The following KCTD17 variants were observed in gnomAD, a reference collection of about 807,000 sequenced individuals.
KCTD17 encodes potassium channel tetramerization domain containing 17, also known as BTB/POZ domain-containing protein KCTD17.
Under a neutral mutation model 41.5 loss-of-function variants are expected in KCTD17, and 20 were observed. That is an observed-to-expected ratio of 0.48 (90% CI 0.34 to 0.70). The LOEUF is 0.70. Among genes scored for constraint, KCTD17 ranks in the 30% least tolerant of loss-of-function variants. The pLI, the probability that KCTD17 is intolerant of heterozygous loss-of-function variation, is 0.01. For synonymous variants in KCTD17, 156 were observed against 173.8 expected (o/e 0.90, Z 0.80); for missense variants, 317 against 427.2 (o/e 0.74, Z 2.27).
In KCTD17 at chr22:37,058,159, T is replaced by C. The variant is rs1925360470; in HGVS notation, c.486+666T>C. On this transcript the variant is annotated intron_variant, in intron 4 of 8. Transcript: ENST00000403888. ...AAGTGAGCCCAGGGTCAAAAGTGCC[T>C]TTAGAGAAGGAGAGGGGGTTGGCTA... 2.0e-5 allele frequency among the ~76,000 whole-genome samples: 3 copies of C among 152,284 alleles called. No individual in the cohort carries two copies. The South Asian group carries it at 6.2e-4, about 32-fold the overall frequency.
chr22:37,058,586 G>C (rs1318885622), intron 4 of KCTD17, among the ~76,000 whole-genome samples: 1 of 152,208 alleles, frequency 6.6e-6, no homozygotes, highest in East Asian at 1.9e-4. Context: ...CCCCTTCCTA[G>C]CTGTGAGGCC....
rs1281788351 is a variant in KCTD17, at chr22:37,061,807, C to G, written c.875+178C>G. The G allele has an allele frequency of 3.0e-6, 3 of 985,288 alleles. No homozygotes were observed. The African/African-American group carries it at 5.2e-5, about 17-fold the overall frequency. 61.0% of individuals were successfully genotyped at this position (985,288 alleles called of 1,614,324 possible). A position where few individuals can be genotyped will look rare whatever the true frequency, so the allele number is the denominator to read the frequency against. ...AAGAAAGTTAGGGAGTGGGAACTTT[C>G]CTACCAGCCCATCAGCACCAGAGCC... is the stretch of plus-strand genomic sequence containing the variant. On this transcript the variant is annotated intron_variant, in intron 8 of 8. Transcript: ENST00000403888. This position sits in a 1 kb window ranked among gnomAD's most constrained non-coding sequence, Gnocchi z 6.6.
At chr22:37,055,929 T>A (rs1340541784) in intron 2 of KCTD17, among the ~76,000 whole-genome samples, 1 of 152,230 alleles carries the variant, frequency 6.6e-6, no homozygotes, top group African/African-American at 2.4e-5. Context: ...GTAATGCACC[T>A]GGCACTTAGA....
rs1367061290 is a variant in KCTD17, at chr22:37,053,271, C to T, written c.298+63C>T. On this transcript the variant is annotated intron_variant, in intron 2 of 8. Coordinates refer to ENST00000403888, the MANE Select transcript of KCTD17 (RefSeq NM_001282684.2). This position sits in a 1 kb window ranked among gnomAD's most constrained non-coding sequence, Gnocchi z 4.1. ...GCCTGCCAGGGCCCTCTGTGGAGGCCCCAAGCCATTTGGACAACCAGGACG... is the reference window on the plus strand; with the variant it reads ...GCCTGCCAGGGCCCTCTGTGGAGGCTCCAAGCCATTTGGACAACCAGGACG... 2.3e-6 allele frequency: 3 copies of T among 1,295,068 alleles called. No individual in the cohort carries two copies. The East Asian group carries it at 7.6e-5, about 33-fold the overall frequency. The allele number at this position is 1,295,068 out of a possible 1,614,324, so 80.2% of individuals were successfully genotyped here. A position where few individuals can be genotyped will look rare whatever the true frequency, so the allele number is the denominator to read the frequency against.
chr22:37,055,582 C>T (rs188762850), intron 2 of KCTD17, among the ~76,000 whole-genome samples: 291 of 152,314 alleles, frequency 1.9e-3, no homozygotes, highest in African/African-American at 6.9e-3. Context: ...GCAAGCTCAT[C>T]GCTTCACTGG....
chr22:37,053,007 C>T lies in KCTD17; in HGVS notation c.190-93C>T. On this transcript the variant is annotated intron_variant, in intron 1 of 8. Transcript: ENST00000403888. The surrounding 1 kb of genome is among the most constrained non-coding windows in gnomAD (Gnocchi z 4.1). Reference sequence around the variant, plus strand: ...TGCCTGCTCCATCCAGGGAAGAGCTCTCCCTCCACTCTCCTTCCCTCCCTG... The same window carrying T: ...TGCCTGCTCCATCCAGGGAAGAGCTTTCCCTCCACTCTCCTTCCCTCCCTG... 1 of 1,033,700 alleles carries T rather than the reference C, an allele frequency of 9.7e-7. No individual in the cohort carries two copies. The highest frequency in any genetic ancestry group is 1.5e-6 in the Non-Finnish European group (1 of 685,886). 64.0% of individuals were successfully genotyped at this position (1,033,700 alleles called of 1,614,324 possible).
chr22:37,059,533 A>T, intron 5 of KCTD17, 95 bp downstream of exon 5: 2 of 1,386,900 alleles, frequency 1.4e-6, no homozygotes, highest in African/African-American at 1.5e-5. Context: ...CCATCCCTCC[A>T]CCTCTCTCCC....
In KCTD17 at chr22:37,063,345, G is replaced by T. The variant is rs1926002651; in HGVS notation, c.*751G>T. ...TCCCGGGATGGGTCCTTGCTTCTCAGCTGTGTCCGACCCCACCATGTAATA... is the reference window on the plus strand; with the variant it reads ...TCCCGGGATGGGTCCTTGCTTCTCATCTGTGTCCGACCCCACCATGTAATA... On this transcript the variant is annotated 3_prime_UTR_variant, in exon 9 of 9. Transcript: ENST00000403888. This position sits in a 1 kb window ranked among gnomAD's most constrained non-coding sequence, Gnocchi z 4.6. 6.6e-6 allele frequency: 1 copy of T among 152,240 alleles called. No homozygotes were observed. The highest frequency in any genetic ancestry group is 2.4e-5 in the African/African-American group (1 of 41,402). The allele number at this position is 152,240 out of a possible 1,614,324, so 9.4% of individuals were successfully genotyped here.
In KCTD17 at chr22:37,051,842, C is replaced by T. The variant is rs1465656632; in HGVS notation, c.82C>T (p.Leu28Phe). 2.8e-6 allele frequency: 4 copies of T among 1,446,384 alleles called. No individual in the cohort carries two copies. Among genetic ancestry groups the T allele is most frequent in the African/African-American group, 1.5e-5 (1 of 68,062 alleles). The allele number at this position is 1,446,384 out of a possible 1,614,324, so 89.6% of individuals were successfully genotyped here. ...AAGGWGKWVR[L>F]NVGGTVFLTT... Reference sequence around the variant, plus strand: ...AGGCGGCTGGGGCAAGTGGGTGCGGCTCAACGTGGGGGGCACGGTGTTCCT... The same window carrying T: ...AGGCGGCTGGGGCAAGTGGGTGCGGTTCAACGTGGGGGGCACGGTGTTCCT... Residue 28 changes from leucine to phenylalanine, a missense_variant, in exon 1 of 9, where the codon CTC (leucine) becomes TTC (phenylalanine). Leu to Phe is a conservative substitution (Grantham distance 22). Around this residue, in one of 4 missense-constraint regions of KCTD17, gnomAD observed 99 missense variants for 166.5 expected, o/e 0.59. Coordinates refer to ENST00000403888, the MANE Select transcript of KCTD17 (RefSeq NM_001282684.2).
chr22:37,052,514 C>A, intron 1 of KCTD17: 1 of 466,900 alleles, frequency 2.1e-6, no homozygotes. Context: ...CCTTCCTCAT[C>A]TGTAACACGA....
At chr22:37,054,739 G>A (rs538702606) in intron 2 of KCTD17, among the ~76,000 whole-genome samples, 1 of 152,282 alleles carries the variant, frequency 6.6e-6, no homozygotes, top group African/African-American at 2.4e-5. Flanking sequence ...GAGGATGTGG[G>A]ATGCAGTGCT....
At chr22:37,060,988 G>A in intron 6 of KCTD17, 66 bp downstream of exon 6, 1 of 1,543,666 alleles carries the variant, frequency 6.5e-7, no homozygotes, top group Non-Finnish European at 8.8e-7. Flanking sequence ...CTCCTTGCTG[G>A]AGCCAGCTGC....
At chr22:37,052,160 G>T in intron 1 of KCTD17, 1 of 644,284 alleles carries the variant, frequency 1.6e-6, no homozygotes, top group Non-Finnish European at 2.4e-6. Flanking sequence ...GGACGACGCA[G>T]GCCGCGGCCA....
At chr22:37,057,547 C>A in intron 4 of KCTD17, 54 bp downstream of exon 4, 1 of 1,444,722 alleles carries the variant, frequency 6.9e-7, no homozygotes. Flanking sequence ...CTCCTAGCCT[C>A]TGACCAAGCA....
At chr22:37,059,628 CA>C in intron 5 of KCTD17, 190 bp downstream of exon 5, 1 of 695,572 alleles carries the variant, frequency 1.4e-6, no homozygotes, top group Non-Finnish European at 2.4e-6. Context: ...AGGCTGGGAG[CA>C]GTGAAATGAG....
At chr22:37,059,191 C>T (rs1325056625) in intron 4 of KCTD17, 122 bp from the exon 5 acceptor site, 17 of 1,407,674 alleles carry the variant, frequency 1.2e-5, no homozygotes, top group South Asian at 4.9e-5. Context: ...GGAGTGGGCC[C>T]GACAAGCCGC....
chr22:37,052,194 G>C (rs533531232), intron 1 of KCTD17: 1 of 486,008 alleles, frequency 2.1e-6, no homozygotes, highest in Non-Finnish European at 3.6e-6. Flanking sequence ...AGCCGCCCCG[G>C]ATCGGGGCCT....
rs1925512237 is a variant in KCTD17, at chr22:37,059,398, C to T, written c.572C>T (p.Thr191Ile). The T allele has an allele frequency of 1.9e-6, 3 of 1,612,256 alleles. No individual in the cohort carries two copies. Among genetic ancestry groups the T allele is most frequent in the Non-Finnish European group, 2.5e-6 (3 of 1,179,814 alleles). The change falls in exon 5 of 9, where the codon ACC (threonine) becomes ATC (isoleucine). Residue 191 changes from threonine to isoleucine, a missense_variant. Physicochemically the swap from Thr to Ile is moderately conservative, Grantham distance 89. Transcript: ENST00000403888. ...LCVVSKELHS[T>I]PNGLSSESSR... is the part of the protein sequence containing the mutation. ...GTGGTGTCCAAGGAGCTCCACAGCACCCCAAACGGGCTGAGCTCAGAGTCC... is the reference window on the plus strand; with the variant it reads ...GTGGTGTCCAAGGAGCTCCACAGCATCCCAAACGGGCTGAGCTCAGAGTCC...
chr22:37,059,666 G>A (rs1320296586), intron 5 of KCTD17: 2 of 606,028 alleles, frequency 3.3e-6, no homozygotes, highest in Non-Finnish European at 5.8e-6. Context: ...AGCCGGCGTG[G>A]ACTCAGAGGC....
Sources: allele counts gnomAD v4.1 joint callset (sites outside exome capture counted in the v4.1 genomes callset), GRCh38; gene constraint gnomAD v4.1.1; regional missense constraint gnomAD v4.1.1; non-coding constraint Gnocchi (gnomAD v3.1); transcripts MANE v1.5; gene names NCBI Gene and HGNC (gene_info 2026-07-23, HGNC 2026-07-21).